The following BABAM2 variants were observed in gnomAD, a reference collection of about 807,000 sequenced individuals.
BABAM2 encodes the protein BRISC and BRCA1 A complex member 2.
BABAM2 carries 31 observed loss-of-function variants against 54.7 expected under a neutral mutation model. That is an observed-to-expected ratio of 0.57 (90% CI 0.43 to 0.77). The LOEUF (loss-of-function observed/expected upper bound fraction) is 0.77, where lower values mean the gene tolerates loss of function less well. BABAM2 is among the 30% of genes least tolerant of loss of function. The pLI, the probability that BABAM2 is intolerant of heterozygous loss-of-function variation, is 0.00. For synonymous variants in BABAM2, 167 were observed against 162.9 expected (o/e 1.03, Z -0.19); for missense variants, 364 against 455.8 (o/e 0.80, Z 1.83).
At chr2:27,942,000 CTA>C (rs1668925379) in intron 3 of BABAM2, among the ~76,000 whole-genome samples, 1 of 152,158 alleles carries the variant, frequency 6.6e-6, no homozygotes, top group African/African-American at 2.4e-5. Flanking sequence ...CATTTTTGAT[CTA>C]TGTCTCCTTG....
At chr2:28,296,767 A>G (rs927696538) in intron 10 of BABAM2, among the ~76,000 whole-genome samples, 2 of 152,176 alleles carry the variant, frequency 1.3e-5, no homozygotes, top group African/African-American at 4.8e-5. Flanking sequence ...AGCTCACTGC[A>G]GCATCCGCCT....
At chr2:28,327,706 T>G (rs1690597079) in intron 11 of BABAM2, among the ~76,000 whole-genome samples, 1 of 152,188 alleles carries the variant, frequency 6.6e-6, no homozygotes. Context: ...AGGCCCGGCA[T>G]GCTGTGGAAT....
chr2:28,152,166 A>G (rs1451732118), intron 7 of BABAM2, among the ~76,000 whole-genome samples: 1 of 152,218 alleles, frequency 6.6e-6, no homozygotes, highest in Non-Finnish European at 1.5e-5. Context: ...TCTGAAATTT[A>G]GCAATCCATT....
In BABAM2 at chr2:28,244,930, C is replaced by G. The variant is rs1465951424; in HGVS notation, c.934+68C>G. On this transcript the variant is annotated intron_variant, in intron 10 of 11. Coordinates refer to ENST00000379624, the MANE Select transcript of BABAM2 (RefSeq NM_199191.3). ...AATGTCCTAAACCACATGTAATAAT[C>G]AGTACTAGAACCTTTTCTGTCCTGT... 4 of 1,356,754 alleles carry G rather than the reference C, an allele frequency of 2.9e-6. No individual in the cohort carries two copies. In the African/African-American group the frequency reaches 4.3e-5, roughly 15 times the overall value. 84.0% of individuals were successfully genotyped at this position (1,356,754 alleles called of 1,614,324 possible).
At chr2:28,338,305 C>A (rs1410923828) in intron 11 of BABAM2, 145 bp from the exon 12 acceptor site, 3 of 747,602 alleles carry the variant, frequency 4.0e-6, no homozygotes, top group African/African-American at 1.7e-5. Flanking sequence ...GAGGGCTTTG[C>A]CTCAGCAGAG....
intron 4 of BABAM2, among the ~76,000 whole-genome samples, chr2:27,998,617 CAAA>C (rs1419376195): frequency 1.3e-5 from 2 of 152,154 alleles, no homozygotes; most frequent in East Asian, 3.8e-4. Flanking sequence ...AGATGTATCT[CAAA>C]CCAGTCCTTT....
intron 5 of BABAM2, among the ~76,000 whole-genome samples, chr2:28,044,153 T>A (rs138141241): frequency 7.2e-5 from 11 of 152,328 alleles, no homozygotes; most frequent in African/African-American, 2.6e-4. Context: ...TATTAGTTAT[T>A]ATTATTATCT....
intron 4 of BABAM2, among the ~76,000 whole-genome samples, chr2:28,024,566 T>A (rs1001451474): frequency 1.4e-4 from 21 of 152,242 alleles, no homozygotes; most frequent in Non-Finnish European, 2.4e-4. Context: ...AAATCCTGAG[T>A]GTGATTGAGT....
In BABAM2 at chr2:27,995,778, C is replaced by A. The variant is rs932379317; in HGVS notation, c.300+7691C>A. Among the ~76,000 whole-genome samples the A allele has an allele frequency of 6.6e-6, 1 of 152,112 alleles. No individual in the cohort carries two copies. The highest frequency in any genetic ancestry group is 2.4e-5 in the African/African-American group (1 of 41,416). Reference sequence around the variant, plus strand: ...TATATTTTTAGTAGAGATGGGGTTTCACCATGTTAGCCAGGATGGTCTCCA... The same window carrying A: ...TATATTTTTAGTAGAGATGGGGTTTAACCATGTTAGCCAGGATGGTCTCCA... On this transcript the variant is annotated intron_variant, in intron 4 of 11. Transcript: ENST00000379624. The surrounding 1 kb of genome is among the most constrained non-coding windows in gnomAD (Gnocchi z 4.1).
At chr2:28,311,318 GCCAGCCA>G (rs1558521329) in intron 11 of BABAM2, among the ~76,000 whole-genome samples, 2 of 150,450 alleles carry the variant, frequency 1.3e-5, no homozygotes, top group East Asian at 3.9e-4. Flanking sequence ...CAATTACCCC[GCCAGCCA>G]CTGGGGAAGT....
At chr2:28,310,119 G>C in intron 11 of BABAM2, 1 of 1,614,166 alleles carries the variant, frequency 6.2e-7, no homozygotes, top group Non-Finnish European at 8.5e-7. Flanking sequence ...ATCCAGCTCT[G>C]CCTGACATCC....
chr2:28,067,655 C>A (rs1320282287), intron 6 of BABAM2, among the ~76,000 whole-genome samples: 1 of 152,158 alleles, frequency 6.6e-6, no homozygotes, highest in African/African-American at 2.4e-5. Context: ...ATTAAAGAGT[C>A]ATGTCAGGTT....
At chr2:27,957,232 T>C (rs1194607740) in intron 3 of BABAM2, among the ~76,000 whole-genome samples, 2 of 152,330 alleles carry the variant, frequency 1.3e-5, no homozygotes, top group East Asian at 3.9e-4. Context: ...GACAATCTCC[T>C]GTAGAAAGAA....
chr2:27,967,279 T>C (rs991876566), intron 3 of BABAM2, among the ~76,000 whole-genome samples: 2 of 152,186 alleles, frequency 1.3e-5, no homozygotes, highest in Non-Finnish European at 2.9e-5. Context: ...TTTGCCATGC[T>C]GTTCTCGTGA....
At chr2:28,216,104 A>G (rs1341793635) in intron 7 of BABAM2, among the ~76,000 whole-genome samples, 2 of 152,234 alleles carry the variant, frequency 1.3e-5, no homozygotes, top group Non-Finnish European at 1.5e-5. Context: ...ATTTTCTTCT[A>G]ATTAAACTTT....
chr2:28,166,389 G>T (rs944334679), intron 7 of BABAM2, among the ~76,000 whole-genome samples: 2 of 152,156 alleles, frequency 1.3e-5, no homozygotes, highest in Non-Finnish European at 2.9e-5. Flanking sequence ...CTACTCTAGC[G>T]AGTTATCCTA....
intron 4 of BABAM2, among the ~76,000 whole-genome samples, chr2:28,003,636 C>T (rs781137785): frequency 6.6e-6 from 1 of 151,944 alleles, no homozygotes; most frequent in Non-Finnish European, 1.5e-5. Context: ...TAGCCAGAGT[C>T]GAGAACTACA....
rs1675568822 is a variant in BABAM2, at chr2:28,025,315, C to T, written c.390C>T (p.Ser130=). The T allele has an allele frequency of 1.2e-6, 2 of 1,613,174 alleles. No individual in the cohort carries two copies. The highest frequency in any genetic ancestry group is 1.7e-6 in the Non-Finnish European group (2 of 1,179,768). The part of the protein sequence containing the change: ...LVQQYHQFQC[S]RLRESSRLMF... ...AACAATATCACCAATTCCAATGTAGCCGCCTCCGGGAGAGCTCCCGCCTCA... is the reference window on the plus strand; with the variant it reads ...AACAATATCACCAATTCCAATGTAGTCGCCTCCGGGAGAGCTCCCGCCTCA... The change falls in exon 5 of 12, where the codon AGC becomes AGT. Residue 130 remains serine, a synonymous_variant. Coordinates refer to ENST00000379624, the MANE Select transcript of BABAM2 (RefSeq NM_199191.3).
At chr2:28,219,306 T>G (rs942406186) in intron 7 of BABAM2, among the ~76,000 whole-genome samples, 14 of 152,218 alleles carry the variant, frequency 9.2e-5, no homozygotes, top group Admixed American at 6.5e-5. Flanking sequence ...CCCTTCCTCC[T>G]TCAAGCCAGC....
Sources: gnomAD v4.1 joint callset for allele counts (sites outside exome capture counted in the v4.1 genomes callset) on GRCh38, gnomAD v4.1.1 for gene constraint, Gnocchi (gnomAD v3.1) non-coding constraint, MANE v1.5 for transcripts, NCBI Gene and HGNC (gene_info 2026-07-23, HGNC 2026-07-21) for gene names.